The following UBR4 variants were observed in gnomAD, a reference collection of about 807,000 sequenced individuals.
The protein encoded by UBR4 is ubiquitin protein ligase E3 component n-recognin 4.
A neutral mutation model predicts 575.6 loss-of-function variants in UBR4; 124 were observed. The ratio of observed to expected loss-of-function variants is 0.22; its 90% CI spans 0.19 to 0.25. The LOEUF is 0.25. Among genes scored for constraint, UBR4 ranks in the 10% least tolerant of loss-of-function variants. The pLI is 1.00. For missense variants in UBR4, 4,818 were observed against 6,478.8 expected, an observed-to-expected ratio of 0.74 and a Z score of 8.80; for synonymous variants, 2,455 against 2,473.7, an observed-to-expected ratio of 0.99 and a Z score of 0.22.
chr1:19,135,768 C>T (rs1268118534), intron 60 of UBR4, among the ~76,000 whole-genome samples: 1 of 151,968 alleles, frequency 6.6e-6, no homozygotes, highest in Non-Finnish European at 1.5e-5. Flanking sequence ...AGTGAAATAA[C>T]AGAAAATAAG....
At position 19,150,641 on chromosome 1, in the gene UBR4, T is replaced by C. The variant is rs1381335877; in HGVS notation, c.7366A>G (p.Ser2456Gly). The change falls in exon 49 of 106, where the codon AGC becomes GGC. Residue 2456 changes from serine to glycine, a missense_variant. Physicochemically the swap from Ser to Gly is moderately conservative, Grantham distance 56 (BLOSUM62 0). Transcript: ENST00000375254. ...GAGTCGCTATCTCCAGTGCCGTTGC[T>C]CTGGTTCAGATTTGAAGGGCAGATG... ...SNICPSNLNQ[S>G]NGTGDSDSAA... 3 of 1,613,964 alleles carry C rather than the reference T, an allele frequency of 1.9e-6. No individual in the cohort carries two copies. Among genetic ancestry groups the C allele is most frequent in the Non-Finnish European group, 2.5e-6 (3 of 1,180,022 alleles).
chr1:19,155,681 A>G lies in UBR4; in HGVS notation c.6073-13T>C. Reference sequence around the variant, plus strand: ...ACAGGTCATAAATCTGCAGGATGGAAGAAAAATTAAATAAGGGAAATCTAT... The same window carrying G: ...ACAGGTCATAAATCTGCAGGATGGAGGAAAAATTAAATAAGGGAAATCTAT... On this transcript the variant is annotated splice_polypyrimidine_tract_variant and intron_variant, in intron 42 of 105. Coordinates refer to ENST00000375254, the MANE Select transcript of UBR4 (RefSeq NM_020765.3). 3.7e-6 allele frequency: 6 copies of G among 1,606,258 alleles called. No homozygotes were observed. The highest frequency in any genetic ancestry group is 4.3e-6 in the Non-Finnish European group (5 of 1,173,100).
rs779842412 is a variant in UBR4, at chr1:19,151,798, C to T, written c.7058G>A (p.Arg2353Gln). The T allele has an allele frequency of 5.0e-6, 8 of 1,614,040 alleles. No homozygotes were observed. The highest frequency in any genetic ancestry group is 2.2e-5 in the South Asian group (2 of 91,056). The change falls in exon 48 of 106, where the codon CGG (arginine) becomes CAG (glutamine). Residue 2353 changes from arginine to glutamine, a missense_variant. Arg to Gln is a conservative substitution (Grantham distance 43). Around this residue, in one of 29 missense-constraint regions of UBR4, gnomAD observed 461 missense variants for 606.9 expected, o/e 0.76. Coordinates refer to ENST00000375254, the MANE Select transcript of UBR4 (RefSeq NM_020765.3). Reference protein sequence around the residue: ...NNSTMVMTGMRIQIGTQAIER... With the variant: ...NNSTMVMTGMQIQIGTQAIER... The stretch of plus-strand genomic sequence containing the variant: ...TATTGCTTGAGTCCCAATCTGGATC[C>T]GCATGCCTGTCATCACCATAGTGCT...
In UBR4 at chr1:19,169,487, C is replaced by T. The variant is rs763745531; in HGVS notation, c.3689G>A (p.Cys1230Tyr). 1 of 1,613,900 alleles carries T rather than the reference C, an allele frequency of 6.2e-7. No homozygotes were observed. Among genetic ancestry groups the T allele is most frequent in the Non-Finnish European group, 8.5e-7 (1 of 1,179,974 alleles). Residue 1230 changes from cysteine to tyrosine, a missense_variant, in exon 27 of 106, where the codon TGT (cysteine) becomes TAT (tyrosine). Physicochemically the swap from Cys to Tyr is radical, Grantham distance 194. Around this residue, in one of 29 missense-constraint regions of UBR4, gnomAD observed 1,172 missense variants for 1,259.7 expected, o/e 0.93. Transcript: ENST00000375254. ...GGTATTGATGTTGTTCCAGGACTCA[C>T]ACACAGTCTGCACTGACGATGGCAA... is the stretch of plus-strand genomic sequence containing the variant. ...QNLPSSVQTV[C>Y]ESWNNINTNE...
intron 47 of UBR4, 128 bp from the exon 48 acceptor site, chr1:19,151,987 A>G (rs2085789420): frequency 8.8e-6 from 8 of 910,092 alleles, no homozygotes; most frequent in East Asian, 8.1e-5. Flanking sequence ...CTCCCTGGTA[A>G]TGACTTCCTT....
intron 44 of UBR4, 54 bp downstream of exon 44, chr1:19,154,864 T>G: frequency 1.9e-6 from 3 of 1,595,556 alleles, no homozygotes; most frequent in Non-Finnish European, 2.6e-6. Context: ...GGAGTGGAGA[T>G]CCCACATTGA....
At chr1:19,087,793 G>T in intron 99 of UBR4, 23 bp downstream of exon 99, 2 of 1,588,552 alleles carry the variant, frequency 1.3e-6, no homozygotes, top group South Asian at 2.3e-5. Flanking sequence ...CCTCAGGACC[G>T]ACCGTAGGCC....
rs150828895 is a variant in UBR4 at position 19,167,318 on chromosome 1, G to A, written c.3900-87C>T. On this transcript the variant is annotated intron_variant, in intron 28 of 105. Coordinates refer to ENST00000375254, the MANE Select transcript of UBR4 (RefSeq NM_020765.3). ...GGACAGGGTAATTCAATTACTTGCC[G>A]GGGAAGAGGGGAAGGGGAATTGCGC... The A allele has an allele frequency of 9.6e-5, 135 of 1,411,824 alleles. No homozygotes were observed. In the African/African-American group the frequency reaches 1.1e-3, roughly 11 times the overall value. The allele number at this position is 1,411,824 out of a possible 1,614,324, so 87.5% of individuals were successfully genotyped here. A position where few individuals can be genotyped will look rare whatever the true frequency, so the allele number is the denominator to read the frequency against.
Position 19,187,480 on chromosome 1 carries a change from CGTT to C in UBR4, c.1452_1454del (p.Thr485del). The C allele has an allele frequency of 6.2e-7, 1 of 1,613,898 alleles. No homozygotes were observed. Among genetic ancestry groups the C allele is most frequent in the Non-Finnish European group, 8.5e-7 (1 of 1,180,000 alleles). Reference sequence around the variant, plus strand: ...CCACTTGTAGGTCTTGAAAGAGAGACGTTAGCAGTTTGATGGCATGGTTTGCCA... The same window carrying C: ...CCACTTGTAGGTCTTGAAAGAGAGACAGCAGTTTGATGGCATGGTTTGCCA... On this transcript the variant is annotated inframe_deletion, in exon 12 of 106. Coordinates refer to ENST00000375254, the MANE Select transcript of UBR4 (RefSeq NM_020765.3).
intron 34 of UBR4, among the ~76,000 whole-genome samples, chr1:19,163,253 G>C (rs1423003174): frequency 6.6e-6 from 1 of 152,230 alleles, no homozygotes; most frequent in Non-Finnish European, 1.5e-5. Context: ...CTAGTTATCT[G>C]TTCCTAGCCA....
rs1431304759 is a variant in UBR4 at position 19,074,898 on chromosome 1, T to G, written c.15488-2A>C. 1 of 1,613,918 alleles carries G rather than the reference T, an allele frequency of 6.2e-7. No homozygotes were observed. On this transcript the variant is annotated splice_acceptor_variant, in intron 105 of 105. Coordinates refer to ENST00000375254, the MANE Select transcript of UBR4 (RefSeq NM_020765.3). LOFTEE classifies it high-confidence loss of function. ...GATCGGTGATTTCTGATAAAAGACC[T>G]GCAAAGCACAACGGGCAGAGGTGTG...
intron 11 of UBR4, among the ~76,000 whole-genome samples, chr1:19,189,868 T>C (rs1462806320): frequency 6.6e-6 from 1 of 152,198 alleles, no homozygotes; most frequent in Non-Finnish European, 1.5e-5. Context: ...TTACTTCGCC[T>C]AGTATCTATC....
Position 19,160,901 on chromosome 1 carries a change from C to T in UBR4, c.5406+16G>A, listed in dbSNP as rs965443225. Reference sequence around the variant, plus strand: ...TGAACTCTGTCTGCTTACTAGGGAGCATCAGTCAGCCCCACCTGGTTCTGT... The same window carrying T: ...TGAACTCTGTCTGCTTACTAGGGAGTATCAGTCAGCCCCACCTGGTTCTGT... On this transcript the variant is annotated intron_variant, in intron 38 of 105. Transcript: ENST00000375254. The T allele has an allele frequency of 3.0e-5, 48 of 1,612,532 alleles. No individual in the cohort carries two copies. Among genetic ancestry groups the T allele is most frequent in the Non-Finnish European group, 4.1e-5 (48 of 1,178,748 alleles).
chr1:19,144,398 C>T (rs1449219693), intron 54 of UBR4, among the ~76,000 whole-genome samples: 1 of 152,206 alleles, frequency 6.6e-6, no homozygotes, highest in African/African-American at 2.4e-5. Flanking sequence ...GATCAAGCCC[C>T]CAGCGCACGT....
chr1:19,086,573 C>T, intron 100 of UBR4, 106 bp downstream of exon 100: 1 of 1,479,054 alleles, frequency 6.8e-7, no homozygotes, highest in East Asian at 2.3e-5. Context: ...CCCTACTCTC[C>T]AGAGACTAAG....
intron 14 of UBR4, 78 bp from the exon 15 acceptor site, chr1:19,185,364 T>C: frequency 1.4e-6 from 2 of 1,400,784 alleles, no homozygotes; most frequent in Non-Finnish European, 1.9e-6. Flanking sequence ...CTAAAAGTAC[T>C]TAAGTCAAAA....
At position 19,187,155 on chromosome 1, in the gene UBR4, C is replaced by T. The variant is rs779906778; in HGVS notation, c.1632+9G>A. ...CTTCTAAATTATCAATGGCTTAACT[C>T]CCACCCACCTTTCTGTAGGAAGTTG... On this transcript the variant is annotated intron_variant, in intron 13 of 105. Coordinates refer to ENST00000375254, the MANE Select transcript of UBR4 (RefSeq NM_020765.3). 3 of 1,603,800 alleles carry T rather than the reference C, an allele frequency of 1.9e-6. No homozygotes were observed. Among genetic ancestry groups the T allele is most frequent in the Non-Finnish European group, 2.6e-6 (3 of 1,173,868 alleles).
Position 19,148,488 on chromosome 1 carries a change from C to T in UBR4, c.7494+75G>A, listed in dbSNP as rs531525503. On this transcript the variant is annotated intron_variant, in intron 50 of 105. Coordinates refer to ENST00000375254, the MANE Select transcript of UBR4 (RefSeq NM_020765.3). The stretch of plus-strand genomic sequence containing the variant: ...TATAAATGTTCTTTAGCTTCGAGGC[C>T]TCAGGGCCTCGGGCAACTCCACTGA... 5.7e-6 allele frequency: 9 copies of T among 1,573,818 alleles called. No individual in the cohort carries two copies. In the South Asian group the frequency reaches 8.9e-5, roughly 16 times the overall value.
rs2080026236 is a variant in UBR4 at position 19,112,586 on chromosome 1, A to T, written c.11739T>A (p.Asn3913Lys). The T allele has an allele frequency of 1.9e-6, 3 of 1,614,248 alleles. No homozygotes were observed. The highest frequency in any genetic ancestry group is 2.5e-6 in the Non-Finnish European group (3 of 1,180,030). The part of the protein sequence containing the change: ...QGLIRELFDY[N>K]LRRGAAAMRE... ...GCATGGCCGCAGCCCCTCGGCGAAGATTATAATCAAAGAGCTCCCGGATAA... is the reference window on the plus strand; with the variant it reads ...GCATGGCCGCAGCCCCTCGGCGAAGTTTATAATCAAAGAGCTCCCGGATAA... The change falls in exon 78 of 106, where the codon AAT becomes AAA. Residue 3913 changes from asparagine to lysine, a missense_variant. By Grantham distance (94) the Asn-to-Lys change is moderately conservative. Around this residue, in one of 29 missense-constraint regions of UBR4, gnomAD observed 333 missense variants for 459.2 expected, o/e 0.73. Transcript: ENST00000375254.
Sources: gnomAD v4.1 joint callset for allele counts (sites outside exome capture counted in the v4.1 genomes callset) on GRCh38, gnomAD v4.1.1 for gene constraint, gnomAD v4.1.1 regional missense constraint, MANE v1.5 for transcripts, NCBI Gene and HGNC (gene_info 2026-07-23, HGNC 2026-07-21) for gene names.